SLC45A4: variants seen among roughly 807,000 people sequenced by gnomAD.
The protein encoded by SLC45A4 is polyamine-transporter SLC45A4.
A neutral mutation model predicts 63.7 loss-of-function variants in SLC45A4; 32 were observed. The observed-to-expected ratio is 0.50, with a 90% confidence interval of 0.38 to 0.67. The LOEUF is 0.67. Among genes scored for constraint, SLC45A4 ranks in the 30% least tolerant of loss-of-function variants. The pLI, the probability that SLC45A4 is intolerant of heterozygous loss-of-function variation, is 0.00. For missense variants in SLC45A4, 1,027 were observed against 1,157.7 expected (o/e 0.89, Z 1.64); for synonymous variants, 535 against 510.0 (o/e 1.05, Z -0.66).
rs189059740 is a variant in SLC45A4 at position 141,289,555 on chromosome 8, T to C, written c.-401+18541A>G. On this transcript the variant is annotated intron_variant, in intron 1 of 8. Coordinates refer to ENST00000517878, the MANE Select transcript of SLC45A4 (RefSeq NM_001286646.2). ...GAGAGGCGATTTGTACAAATGGGTA[T>C]GACTGGGTTTTCCTTGGGCGGAGAA... Among the ~76,000 whole-genome samples, 295 of 152,302 alleles carry C rather than the reference T, an allele frequency of 1.9e-3. 3 individuals carry two copies. Among genetic ancestry groups the C allele is most frequent in the Non-Finnish European group, 2.3e-3 (154 of 68,036 alleles).
At chr8:141,295,977 C>T (rs937291353) in intron 1 of SLC45A4, among the ~76,000 whole-genome samples, 1 of 152,218 alleles carries the variant, frequency 6.6e-6, no homozygotes, top group Non-Finnish European at 1.5e-5. Flanking sequence ...CCATCCAAGC[C>T]TGGCCCCTAG....
In SLC45A4 at chr8:141,212,521, C is replaced by T; in HGVS notation, c.1977G>A (p.Gly659=). Reference sequence around the variant, plus strand: ...ACAGGATGGCACAATCTATGCCAAACCCTCGCTTGGAGTTCCCGGGGCTGT... The same window carrying T: ...ACAGGATGGCACAATCTATGCCAAATCCTCGCTTGGAGTTCCCGGGGCTGT... The part of the protein sequence containing the change: ...IHHSPGNSKR[G]FGIDCAILSC... The change falls in exon 8 of 9, where the codon GGG becomes GGA. Residue 659 remains glycine, a synonymous_variant. Transcript: ENST00000517878. The T allele has an allele frequency of 2.5e-6, 4 of 1,610,708 alleles. No individual in the cohort carries two copies. Among genetic ancestry groups the T allele is most frequent in the South Asian group, 1.1e-5 (1 of 91,008 alleles).
intron 1 of SLC45A4, among the ~76,000 whole-genome samples, chr8:141,286,941 G>A (rs72681600): frequency 0.085 from 12,948 of 151,958 alleles, 935 homozygotes; most frequent in East Asian, 0.42. Context: ...TCTTGCTGGC[G>A]GCCACGGGGC....
At position 141,218,602 on chromosome 8, in the gene SLC45A4, G is replaced by A; in HGVS notation, c.1038C>T (p.Ser346=). The A allele has an allele frequency of 1.2e-6, 2 of 1,613,486 alleles. No homozygotes were observed. The highest frequency in any genetic ancestry group is 1.7e-6 in the Non-Finnish European group (2 of 1,179,920). ...TGGTCTTGGCGAGCTCCTGGCTGGT[G>A]CTGCGGGGGGTGGCGGGGTAGGAGG... ...HDASYPATPR[S]TSQELAKTKL... Residue 346 remains serine (S), a synonymous_variant, in exon 5 of 9, where the codon AGC becomes AGT. Transcript: ENST00000517878.
intron 1 of SLC45A4, among the ~76,000 whole-genome samples, chr8:141,270,100 CCT>C (rs1478959134): frequency 6.6e-6 from 1 of 152,116 alleles, no homozygotes; most frequent in African/African-American, 2.4e-5. Flanking sequence ...CCCCACAGAC[CCT>C]GAGGGCACAG....
intron 1 of SLC45A4, among the ~76,000 whole-genome samples, chr8:141,292,050 G>A (rs540357126): frequency 2.0e-5 from 3 of 152,328 alleles, no homozygotes; most frequent in South Asian, 2.1e-4. Context: ...CTGGTGCTGG[G>A]AGGCCATGCG....
At position 141,215,488 on chromosome 8, in the gene SLC45A4, A is replaced by C. The variant is rs958746292; in HGVS notation, c.1941+271T>G. On this transcript the variant is annotated intron_variant, in intron 7 of 8. Coordinates refer to ENST00000517878, the MANE Select transcript of SLC45A4 (RefSeq NM_001286646.2). The surrounding 1 kb of genome is among the most constrained non-coding windows in gnomAD (Gnocchi z 4.3). Reference sequence around the variant, plus strand: ...AATGTGACTGGGCCTGAGGGGACCAAAGGGGCAGGGACAGTGCTTTTGCCT... The same window carrying C: ...AATGTGACTGGGCCTGAGGGGACCACAGGGGCAGGGACAGTGCTTTTGCCT... Among the ~76,000 whole-genome samples, 1 of 151,946 alleles carries C rather than the reference A, an allele frequency of 6.6e-6. No homozygotes were observed. Among genetic ancestry groups the C allele is most frequent in the African/African-American group, 2.4e-5 (1 of 41,368 alleles).
chr8:141,299,173 G>C (rs1464239622), intron 1 of SLC45A4, among the ~76,000 whole-genome samples: 1 of 152,190 alleles, frequency 6.6e-6, no homozygotes, highest in Non-Finnish European at 1.5e-5. Flanking sequence ...CCGAGCACTG[G>C]GTGGCTTCTG....
chr8:141,222,778 C>T (rs895920123), intron 2 of SLC45A4, among the ~76,000 whole-genome samples: 8 of 152,202 alleles, frequency 5.3e-5, no homozygotes, highest in African/African-American at 9.6e-5. Flanking sequence ...TGTCCAAAGG[C>T]GCGGAAAGGA....
chr8:141,255,012 A>G (rs1001304605), intron 1 of SLC45A4, among the ~76,000 whole-genome samples: 5 of 152,200 alleles, frequency 3.3e-5, no homozygotes, highest in African/African-American at 1.2e-4. Flanking sequence ...GGCTGCAGAT[A>G]TCATGAAAGG....
intron 1 of SLC45A4, among the ~76,000 whole-genome samples, chr8:141,303,933 C>T (rs1200524572): frequency 2.0e-5 from 3 of 152,182 alleles, no homozygotes; most frequent in Non-Finnish European, 4.4e-5. Context: ...CAAATCCCTT[C>T]AGCTGCCTCA....
chr8:141,249,047 A>C (rs1318564637), intron 2 of SLC45A4, among the ~76,000 whole-genome samples: 2 of 151,664 alleles, frequency 1.3e-5, no homozygotes, highest in Non-Finnish European at 2.9e-5. Flanking sequence ...AGACATGCAA[A>C]TTAAAGCTGC....
At chr8:141,266,299 T>C (rs1829262595) in intron 1 of SLC45A4, among the ~76,000 whole-genome samples, 1 of 152,158 alleles carries the variant, frequency 6.6e-6, no homozygotes, top group Non-Finnish European at 1.5e-5. Flanking sequence ...ACACCGCTTG[T>C]GGGCGGCACA....
At chr8:141,233,543 C>T (rs1431007164) in intron 2 of SLC45A4, among the ~76,000 whole-genome samples, 2 of 151,978 alleles carry the variant, frequency 1.3e-5, no homozygotes, top group African/African-American at 2.4e-5. Context: ...AACAATTAGC[C>T]GGGCATGGTG....
rs567804825 is a variant in SLC45A4, at chr8:141,274,864, C to T, written c.-400-20235G>A. The stretch of plus-strand genomic sequence containing the variant: ...CCTCTGCAAAACCCTTCTACTTCCT[C>T]GTGGATCCCTTGTGTAAACTCACAA... On this transcript the variant is annotated intron_variant, in intron 1 of 8. Transcript: ENST00000517878. Among the ~76,000 whole-genome samples, 327 of 152,356 alleles carry T rather than the reference C, an allele frequency of 2.1e-3. 3 individuals carry two copies. The highest frequency in any genetic ancestry group is 6.8e-3 in the Middle Eastern group (2 of 294).
intron 2 of SLC45A4, among the ~76,000 whole-genome samples, chr8:141,240,125 T>C (rs1481645414): frequency 6.6e-6 from 1 of 152,210 alleles, no homozygotes. Context: ...TGAGCATAGC[T>C]TTAGTCATTA....
intron 1 of SLC45A4, among the ~76,000 whole-genome samples, chr8:141,296,199 T>C (rs1160994962): frequency 6.6e-6 from 1 of 151,930 alleles, no homozygotes; most frequent in African/African-American, 2.4e-5. Context: ...GACATGGTGG[T>C]TCATACCTGC....
intron 8 of SLC45A4, 84 bp from the exon 9 acceptor site, chr8:141,211,781 G>T: frequency 7.2e-7 from 1 of 1,385,038 alleles, no homozygotes; most frequent in East Asian, 2.6e-5. Flanking sequence ...ACTTAGCAGA[G>T]AATGTCAGAT....
At chr8:141,272,020 T>C (rs1252102618) in intron 1 of SLC45A4, among the ~76,000 whole-genome samples, 2 of 150,856 alleles carry the variant, frequency 1.3e-5, no homozygotes, top group African/African-American at 2.4e-5. Flanking sequence ...CACACCTGCG[T>C]ACACACATGC....
Sources: gnomAD v4.1 joint callset for allele counts (sites outside exome capture counted in the v4.1 genomes callset) on GRCh38, gnomAD v4.1.1 for gene constraint, Gnocchi (gnomAD v3.1) non-coding constraint, MANE v1.5 for transcripts, NCBI Gene and HGNC (gene_info 2026-07-23, HGNC 2026-07-21) for gene names.